The following MROH9 variants were observed in gnomAD, a reference collection of about 807,000 sequenced individuals.
MROH9 encodes maestro heat-like repeat-containing protein family member 9.
MROH9 carries 92 observed loss-of-function variants against 98.2 expected under a neutral mutation model. The ratio of observed to expected loss-of-function variants is 0.94; its 90% CI spans 0.79 to 1.11. MROH9 has a LOEUF of 1.11. Among genes scored for constraint, MROH9 ranks in the 50% most tolerant of loss-of-function variants. The pLI is 0.00. For synonymous variants in MROH9, 397 were observed against 368.9 expected (o/e 1.08, Z -0.87); for missense variants, 1,057 against 1,014.8 (o/e 1.04, Z -0.57).
chr1:171,002,954 A>G (rs1651830753), intron 15 of MROH9, among the ~76,000 whole-genome samples: 4 of 148,770 alleles, frequency 2.7e-5, no homozygotes, highest in Non-Finnish European at 6.0e-5. Flanking sequence ...ATATTTTCTT[A>G]CTCTTTTTGT....
Position 171,064,536 on chromosome 1 carries a change from A to T in MROH9, c.*196A>T, listed in dbSNP as rs921564243. 3.8e-6 allele frequency: 2 copies of T among 523,222 alleles called. No individual in the cohort carries two copies. The highest frequency in any genetic ancestry group is 2.0e-5 in the African/African-American group (1 of 50,946). The allele number at this position is 523,222 out of a possible 1,614,324, so 32.4% of individuals were successfully genotyped here. A position where few individuals can be genotyped will look rare whatever the true frequency, so the allele number is the denominator to read the frequency against. On this transcript the variant is annotated 3_prime_UTR_variant, in exon 22 of 22. Transcript: ENST00000367759. ...TATTCAAATATAGAAATCTGAGAGAACTAGTGCCTCTGTATGTCTGACAGT... is the reference window on the plus strand; with the variant it reads ...TATTCAAATATAGAAATCTGAGAGATCTAGTGCCTCTGTATGTCTGACAGT...
intron 14 of MROH9, 39 bp from the exon 15 acceptor site, chr1:170,998,115 T>C: frequency 1.3e-6 from 2 of 1,492,312 alleles, no homozygotes; most frequent in Non-Finnish European, 1.8e-6. Context: ...GCATGGTGTT[T>C]TCTCCTTTGC....
At chr1:171,059,043 T>C (rs979582320) in intron 20 of MROH9, among the ~76,000 whole-genome samples, 4 of 152,122 alleles carry the variant, frequency 2.6e-5, no homozygotes, top group African/African-American at 9.7e-5. Flanking sequence ...ATCATTAGGG[T>C]GAACAGGCAA....
At chr1:171,047,885 CTG>C (rs1264688108) in intron 20 of MROH9, among the ~76,000 whole-genome samples, 3 of 152,208 alleles carry the variant, frequency 2.0e-5, no homozygotes. Context: ...CCAAGTAACA[CTG>C]TGGTTCTTGC....
chr1:171,012,563 C>G (rs1414963945), intron 15 of MROH9, among the ~76,000 whole-genome samples: 1 of 141,022 alleles, frequency 7.1e-6, no homozygotes, highest in African/African-American at 2.8e-5. Context: ...AGTGCAGTGG[C>G]TCGATCTCGG....
intron 3 of MROH9, among the ~76,000 whole-genome samples, chr1:170,948,634 G>T (rs758584156): frequency 6.6e-6 from 1 of 152,014 alleles, no homozygotes; most frequent in Non-Finnish European, 1.5e-5. Flanking sequence ...GCCCCAAATT[G>T]CTTATAGTCC....
intron 8 of MROH9, among the ~76,000 whole-genome samples, chr1:170,975,958 G>A (rs1386707647): frequency 1.3e-5 from 2 of 152,110 alleles, no homozygotes; most frequent in Non-Finnish European, 2.9e-5. Flanking sequence ...TTTTGCCTGA[G>A]ATTAGGTTTG....
At chr1:170,952,316 C>T (rs1649582316) in intron 3 of MROH9, among the ~76,000 whole-genome samples, 1 of 152,060 alleles carries the variant, frequency 6.6e-6, no homozygotes, top group African/African-American at 2.4e-5. Context: ...TTTATTGTGG[C>T]ACTATTCACA....
rs147816293 is a variant in MROH9, at chr1:171,050,704, T to C, written c.2282-11428T>C. 1.5e-3 allele frequency among the ~76,000 whole-genome samples: 233 copies of C among 152,300 alleles called. 1 individual carries two copies. The highest frequency in any genetic ancestry group is 5.1e-3 in the African/African-American group (211 of 41,570). On this transcript the variant is annotated intron_variant, in intron 20 of 21. Coordinates refer to ENST00000367759, the MANE Select transcript of MROH9 (RefSeq NM_001163629.2). ...TCTAGTTAGGTCTTCCAGTACTGCA[T>C]TGAATAGAAGTGGTGAGAGTGGACA...
rs59883013 is a variant in MROH9 at position 170,935,982 on chromosome 1, C to CAAAAAA, written c.-38+416_-38+421dup. Among the ~76,000 whole-genome samples the CAAAAAA allele has an allele frequency of 2.9e-3, 183 of 62,182 alleles. 2 individuals are homozygous for CAAAAAA. The highest frequency in any genetic ancestry group is 5.3e-3 in the East Asian group (8 of 1,504). The allele number at this position is 62,182 out of a possible 152,430, so 40.8% of individuals were successfully genotyped here. On this transcript the variant is annotated intron_variant, in intron 1 of 21. Transcript: ENST00000367759. Reference sequence around the variant, plus strand: ...ACTCCAGCCTGGCAACAGAGTGAGACAAAAAAAAAAAAAAAAAAAAAAAAA... The same window carrying CAAAAAA: ...ACTCCAGCCTGGCAACAGAGTGAGACAAAAAAAAAAAAAAAAAAAAAAAAAAAAAAA...
intron 7 of MROH9, among the ~76,000 whole-genome samples, chr1:170,966,134 T>C (rs187305768): frequency 3.5e-4 from 53 of 152,210 alleles, no homozygotes; most frequent in South Asian, 4.1e-4. Flanking sequence ...AGGTTAAAGT[T>C]TAGTAACACA....
At chr1:171,037,442 A>G (rs1228544509) in intron 20 of MROH9, among the ~76,000 whole-genome samples, 1 of 152,000 alleles carries the variant, frequency 6.6e-6, no homozygotes, top group East Asian at 1.9e-4. Context: ...AATTGCAAAC[A>G]TTACTGAAGG....
chr1:170,995,574 G>A (rs531420530), intron 13 of MROH9, 43 bp downstream of exon 13: 52 of 1,604,184 alleles, frequency 3.2e-5, no homozygotes, highest in South Asian at 1.0e-4. Flanking sequence ...AGAGATAAGC[G>A]TCCAGCTGTC....
intron 15 of MROH9, among the ~76,000 whole-genome samples, chr1:171,005,013 A>T (rs910173464): frequency 1.3e-5 from 2 of 151,562 alleles, no homozygotes; most frequent in South Asian, 2.1e-4. Flanking sequence ...AAAACAAGCC[A>T]TTGGAATTTT....
chr1:170,990,064 ATGGACCTGGG>A, intron 11 of MROH9, 61 bp downstream of exon 11: 1 of 1,506,424 alleles, frequency 6.6e-7, no homozygotes, highest in Non-Finnish European at 9.0e-7. Context: ...GCACTGTCAG[ATGGACCTGGG>A]TTCAACTCTC....
At chr1:171,044,034 T>C (rs1653388370) in intron 20 of MROH9, among the ~76,000 whole-genome samples, 1 of 152,186 alleles carries the variant, frequency 6.6e-6, no homozygotes, top group Admixed American at 6.5e-5. Context: ...GTGGACATTC[T>C]TGTCATGTTC....
Position 171,064,518 on chromosome 1 carries a change from A to C in MROH9, c.*178A>C. 3.5e-6 allele frequency: 2 copies of C among 577,840 alleles called. No homozygotes were observed. The highest frequency in any genetic ancestry group is 5.7e-6 in the Non-Finnish European group (2 of 352,528). 35.8% of individuals were successfully genotyped at this position (577,840 alleles called of 1,614,324 possible). A position where few individuals can be genotyped will look rare whatever the true frequency, so the allele number is the denominator to read the frequency against. Reference sequence around the variant, plus strand: ...TGTTACTTCTTAATTCTCTATTCAAATATAGAAATCTGAGAGAACTAGTGC... The same window carrying C: ...TGTTACTTCTTAATTCTCTATTCAACTATAGAAATCTGAGAGAACTAGTGC... On this transcript the variant is annotated 3_prime_UTR_variant, in exon 22 of 22. Transcript: ENST00000367759.
chr1:170,992,736 G>A (rs1178404896), intron 12 of MROH9, among the ~76,000 whole-genome samples: 1 of 152,100 alleles, frequency 6.6e-6, no homozygotes, highest in Non-Finnish European at 1.5e-5. Flanking sequence ...ACTGAGAGAA[G>A]GGAAAAGTCT....
intron 12 of MROH9, among the ~76,000 whole-genome samples, chr1:170,995,075 T>A (rs1191233838): frequency 6.6e-6 from 1 of 152,034 alleles, no homozygotes; most frequent in Non-Finnish European, 1.5e-5. Context: ...TGACTGCTCT[T>A]CATGGCCACA....
Sources: gnomAD v4.1 joint callset for allele counts (sites outside exome capture counted in the v4.1 genomes callset) on GRCh38, gnomAD v4.1.1 for gene constraint, MANE v1.5 for transcripts, NCBI Gene and HGNC (gene_info 2026-07-23, HGNC 2026-07-21) for gene names.